The following KAZN variants were observed in gnomAD, a reference collection of about 807,000 sequenced individuals.
KAZN encodes the protein kazrin, periplakin interacting protein.
In KAZN, 40 loss-of-function variants were observed where a neutral mutation model predicts 87.4. The observed-to-expected ratio is 0.46, with a 90% CI of 0.36 to 0.60. KAZN has a LOEUF of 0.60. Among genes scored for constraint, KAZN ranks in the 20% least tolerant of loss-of-function variants. KAZN has a pLI of 0.00. For synonymous variants in KAZN, 466 were observed against 458.3 expected (o/e 1.02, Z -0.22); for missense variants, 898 against 1,073.9 (o/e 0.84, Z 2.29).
intron 13 of KAZN, among the ~76,000 whole-genome samples, chr1:15,108,460 G>GT (rs1641374732): frequency 6.6e-6 from 1 of 152,222 alleles, no homozygotes; most frequent in Non-Finnish European, 1.5e-5. Flanking sequence ...CTGAGCCACG[G>GT]TTTTTTCAGC....
In KAZN at chr1:14,773,815, C is replaced by T. The variant is rs970301774; in HGVS notation, c.226+174592C>T. Among the ~76,000 whole-genome samples, 2 of 152,286 alleles carry T rather than the reference C, an allele frequency of 1.3e-5. 1 individual carries two copies. Among genetic ancestry groups the T allele is most frequent in the East Asian group, 3.9e-4 (2 of 5,154 alleles). The stretch of plus-strand genomic sequence containing the variant: ...GAGCTGCGGCAGGTCCCAGCCCAGG[C>T]CAGGCCTGCTCTCCTCCCCTCCCCT... On this transcript the variant is annotated intron_variant, in intron 1 of 14. Transcript: ENST00000376030. This position sits in a 1 kb window ranked among gnomAD's most constrained non-coding sequence, Gnocchi z 5.9.
chr1:14,383,201 G>T (rs1661532122), intron 2 of KAZN, among the ~76,000 whole-genome samples: 1 of 151,922 alleles, frequency 6.6e-6, no homozygotes, highest in Non-Finnish European at 1.5e-5. Context: ...GTTCATTGTA[G>T]ATTCTGGATA....
chr1:14,321,704 C>A (rs1337626438), intron 2 of KAZN, among the ~76,000 whole-genome samples: 2 of 152,148 alleles, frequency 1.3e-5, no homozygotes, highest in African/African-American at 4.8e-5. Context: ...CAGAACCTGC[C>A]AGGAATTTCA....
chr1:14,402,014 A>G (rs1225320857), intron 2 of KAZN, among the ~76,000 whole-genome samples: 1 of 151,996 alleles, frequency 6.6e-6, no homozygotes, highest in Non-Finnish European at 1.5e-5. Context: ...TAATACAAGT[A>G]AAAGAAATAG....
At chr1:14,061,160 C>A (rs1642778553) in intron 1 of KAZN, among the ~76,000 whole-genome samples, 1 of 152,162 alleles carries the variant, frequency 6.6e-6, no homozygotes, top group African/African-American at 2.4e-5. Flanking sequence ...GATAAGACTA[C>A]AGGCAGTTAT....
In KAZN at chr1:13,927,967, G is replaced by C. The variant is rs138488690; in HGVS notation, c.91+34211G>C. Among the ~76,000 whole-genome samples the C allele has an allele frequency of 3.9e-5, 6 of 152,344 alleles. No homozygotes were observed. The East Asian group carries it at 5.8e-4, about 15-fold the overall frequency. ...TTCTATGGTGGGAACAAGCCTGGCA[G>C]TGGGTTCAAGGAACAGAAAAGAGAG... On this transcript the variant is annotated intron_variant, in intron 1 of 16. Coordinates refer to the KAZN transcript ENST00000636203.
rs543293732 is a variant in KAZN at position 14,946,651 on chromosome 1, C to T, written c.227-14033C>T. On this transcript the variant is annotated intron_variant, in intron 1 of 14. Coordinates refer to ENST00000376030, the MANE Select transcript of KAZN (RefSeq NM_201628.3). ...CAGGCTCACCACCCTTGTGTGATGGCGACGTCTAGGAGAGCCTTCAGCTGA... is the reference window on the plus strand; with the variant it reads ...CAGGCTCACCACCCTTGTGTGATGGTGACGTCTAGGAGAGCCTTCAGCTGA... 9.9e-5 allele frequency among the ~76,000 whole-genome samples: 15 copies of T among 152,226 alleles called. No individual in the cohort carries two copies. In the East Asian group the frequency reaches 1.5e-3, roughly 16 times the overall value.
intron 2 of KAZN, among the ~76,000 whole-genome samples, chr1:14,373,064 G>C (rs1321115294): frequency 6.6e-6 from 1 of 152,112 alleles, no homozygotes; most frequent in African/African-American, 2.4e-5. Context: ...CACGTGACCA[G>C]CTGGAGGGAC....
At chr1:14,823,603 A>T (rs950858246) in intron 1 of KAZN, among the ~76,000 whole-genome samples, 14 of 152,198 alleles carry the variant, frequency 9.2e-5, no homozygotes, top group African/African-American at 3.4e-4. Flanking sequence ...CTATACAATG[A>T]AGAATTATCC....
In KAZN at chr1:15,010,801, T is replaced by G. The variant is rs973440123; in HGVS notation, c.419-23948T>G. Among the ~76,000 whole-genome samples, 4 of 151,992 alleles carry G rather than the reference T, an allele frequency of 2.6e-5. No homozygotes were observed. The East Asian group carries it at 7.7e-4, about 29-fold the overall frequency. ...CTTCTCTCACTCCTTTTTCATGGAGTAGCTAGAACCCTTCCATAAACAGAC... is the reference window on the plus strand; with the variant it reads ...CTTCTCTCACTCCTTTTTCATGGAGGAGCTAGAACCCTTCCATAAACAGAC... On this transcript the variant is annotated intron_variant, in intron 2 of 14. Coordinates refer to ENST00000376030, the MANE Select transcript of KAZN (RefSeq NM_201628.3).
chr1:14,960,158 G>A (rs1166738366), intron 1 of KAZN, among the ~76,000 whole-genome samples: 1 of 152,208 alleles, frequency 6.6e-6, no homozygotes, highest in Non-Finnish European at 1.5e-5. Context: ...TCCCAAGCAT[G>A]AGACTGGGAG....
At chr1:14,703,353 G>C (rs993162577) in intron 1 of KAZN, among the ~76,000 whole-genome samples, 21 of 152,162 alleles carry the variant, frequency 1.4e-4, no homozygotes, top group Non-Finnish European at 1.2e-4. Flanking sequence ...TGAATCATGG[G>C]AGCAGTTTCC....
At chr1:14,838,801 T>C (rs1647590821) in intron 1 of KAZN, among the ~76,000 whole-genome samples, 1 of 152,192 alleles carries the variant, frequency 6.6e-6, no homozygotes, top group Non-Finnish European at 1.5e-5. Context: ...TTTGTATTTG[T>C]AGTAGAGACA....
chr1:14,271,862 C>T (rs1006422195), intron 2 of KAZN, among the ~76,000 whole-genome samples: 7 of 152,184 alleles, frequency 4.6e-5, no homozygotes, highest in Admixed American at 2.6e-4. Flanking sequence ...TAGGCAAGTC[C>T]ATTCAGCAAG....
At chr1:14,233,831 A>ACC (rs1375860495) in intron 2 of KAZN, among the ~76,000 whole-genome samples, 2 of 152,232 alleles carry the variant, frequency 1.3e-5, no homozygotes, top group African/African-American at 2.4e-5. Flanking sequence ...GGATCTTGAA[A>ACC]ATCAAAACCA....
chr1:14,190,763 C>A (rs1646405910), intron 2 of KAZN, among the ~76,000 whole-genome samples: 3 of 152,126 alleles, frequency 2.0e-5, no homozygotes, highest in Admixed American at 2.0e-4. Context: ...CTAGACTAGC[C>A]AGCTCCCAGC....
At chr1:14,111,893 C>G (rs918916665) in intron 1 of KAZN, among the ~76,000 whole-genome samples, 1 of 152,062 alleles carries the variant, frequency 6.6e-6, no homozygotes, top group Admixed American at 6.6e-5. Flanking sequence ...CTGCGCACCA[C>G]CACGCCCGGC....
At chr1:15,032,979 A>G (rs1398669737) in intron 2 of KAZN, among the ~76,000 whole-genome samples, 1 of 152,148 alleles carries the variant, frequency 6.6e-6, no homozygotes, top group Non-Finnish European at 1.5e-5. Context: ...AAAACTCCGG[A>G]AAAGAAAATG....
intron 2 of KAZN, among the ~76,000 whole-genome samples, chr1:14,337,029 C>T (rs764216595): frequency 5.9e-5 from 9 of 152,178 alleles, no homozygotes; most frequent in Non-Finnish European, 4.4e-5. Flanking sequence ...ATAGCATTGT[C>T]AGAAGGAGGT....
Sources: gnomAD v4.1 joint callset for allele counts (sites outside exome capture counted in the v4.1 genomes callset) on GRCh38, gnomAD v4.1.1 for gene constraint, Gnocchi (gnomAD v3.1) non-coding constraint, MANE v1.5 for transcripts, NCBI Gene and HGNC (gene_info 2026-07-23, HGNC 2026-07-21) for gene names.